Variants in ALMS1 observed in about 807,000 individuals in gnomAD.
ALMS1 encodes ALMS1 centrosome and basal body associated protein, also known as centrosome-associated protein ALMS1.
In ALMS1, 271 loss-of-function variants were observed where a neutral mutation model predicts 352.2. That is an observed-to-expected ratio of 0.77 (90% CI 0.70 to 0.85). The LOEUF is 0.85. ALMS1 is among the 40% of genes least tolerant of loss of function. The probability of loss-of-function intolerance (pLI) is 0.00; values close to 1 mark genes in which losing one functional copy is unlikely to be tolerated. For synonymous variants in ALMS1, 1,865 were observed against 1,761.2 expected, an observed-to-expected ratio of 1.06 and a Z score of -1.48; for missense variants, 5,445 against 4,870.7, an observed-to-expected ratio of 1.12 and a Z score of -3.51.
chr2:73,588,251 C>G (rs1256553386), intron 16 of ALMS1, among the ~76,000 whole-genome samples: 4 of 152,158 alleles, frequency 2.6e-5, no homozygotes, highest in Admixed American at 2.6e-4. Flanking sequence ...TTCTCTCTGC[C>G]CCGTGCTGTC....
At chr2:73,417,357 A>AT (rs1205321044) in intron 2 of ALMS1, among the ~76,000 whole-genome samples, 1 of 152,194 alleles carries the variant, frequency 6.6e-6, no homozygotes, top group Non-Finnish European at 1.5e-5. Flanking sequence ...GAACTAATAG[A>AT]TTTGCTGATA....
intron 16 of ALMS1, among the ~76,000 whole-genome samples, chr2:73,593,231 C>A (rs1413278055): frequency 6.6e-6 from 1 of 151,444 alleles, no homozygotes; most frequent in East Asian, 1.9e-4. Flanking sequence ...GATGGGTCCT[C>A]AGCACAAATT....
chr2:73,460,726 C>A (rs1158275510), intron 9 of ALMS1, among the ~76,000 whole-genome samples: 7 of 152,194 alleles, frequency 4.6e-5, no homozygotes, highest in Admixed American at 1.3e-4. Context: ...TGGAAAATCG[C>A]ATCACTCCCA....
chr2:73,549,828 T>A (rs1674392144), intron 12 of ALMS1, among the ~76,000 whole-genome samples: 1 of 152,096 alleles, frequency 6.6e-6, no homozygotes, highest in Non-Finnish European at 1.5e-5. Flanking sequence ...TCCTACCCAT[T>A]GTAGTGTAGT....
chr2:73,599,273 A>G (rs1196507828), intron 16 of ALMS1, 128 bp from the exon 17 acceptor site: 5 of 1,237,332 alleles, frequency 4.0e-6, no homozygotes, highest in East Asian at 2.3e-5. Flanking sequence ...CAGTATCTCA[A>G]GCTTCCTCCA....
rs923894323 is a variant in ALMS1 at position 73,391,454 on chromosome 2, C to T, written c.324+5262C>T. The stretch of plus-strand genomic sequence containing the variant: ...GACTACAGGCGCCCGCCACCACGCC[C>T]GGCTATTATTTTGTATTTTTAGTAG... On this transcript the variant is annotated intron_variant, in intron 1 of 22. Coordinates refer to ENST00000613296, the MANE Select transcript of ALMS1 (RefSeq NM_001378454.1). Among the ~76,000 whole-genome samples, 6 of 151,864 alleles carry T rather than the reference C, an allele frequency of 4.0e-5. No individual in the cohort carries two copies. In the South Asian group the frequency reaches 8.3e-4, roughly 21 times the overall value.
In ALMS1 at chr2:73,595,085, T is replaced by C. The variant is rs1371767981; in HGVS notation, c.11548-4316T>C. ...CCCACAAGTTTTTGTTTATTCTCAT[T>C]TCTTGAACTGGTAATACAGTACAAC... On this transcript the variant is annotated intron_variant, in intron 16 of 22. Coordinates refer to ENST00000613296, the MANE Select transcript of ALMS1 (RefSeq NM_001378454.1). Among the ~76,000 whole-genome samples, 3 of 152,178 alleles carry C rather than the reference T, an allele frequency of 2.0e-5. No homozygotes were observed. The East Asian group carries it at 5.8e-4, about 29-fold the overall frequency.
intron 16 of ALMS1, among the ~76,000 whole-genome samples, chr2:73,594,316 T>TAGA (rs1675500899): frequency 6.6e-6 from 1 of 152,242 alleles, no homozygotes; most frequent in East Asian, 1.9e-4. Flanking sequence ...TTCTTAGACT[T>TAGA]TTCTATTTTT....
intron 11 of ALMS1, among the ~76,000 whole-genome samples, chr2:73,522,130 G>T (rs1347164154): frequency 6.6e-6 from 1 of 151,982 alleles, no homozygotes; most frequent in Non-Finnish European, 1.5e-5. Context: ...TAAGACTACT[G>T]CATCCAAACA....
At chr2:73,438,512 C>T (rs73944994) in intron 7 of ALMS1, among the ~76,000 whole-genome samples, 32 of 152,282 alleles carry the variant, frequency 2.1e-4, no homozygotes, top group African/African-American at 7.5e-4. Context: ...TTTGGACATA[C>T]TGAGTTTGAT....
chr2:73,405,202 C>T (rs1462053465), intron 1 of ALMS1, among the ~76,000 whole-genome samples: 4 of 152,096 alleles, frequency 2.6e-5, no homozygotes, highest in African/African-American at 9.7e-5. Context: ...GTGTGAGCCA[C>T]TGCGCCTGGC....
intron 1 of ALMS1, among the ~76,000 whole-genome samples, chr2:73,398,179 G>A (rs1180481243): frequency 6.6e-6 from 1 of 152,170 alleles, no homozygotes; most frequent in Non-Finnish European, 1.5e-5. Context: ...TGTCAGATCT[G>A]TTTCTGGGTT....
Position 73,451,150 on chromosome 2 carries a change from T to C in ALMS1, c.4623T>C (p.Ser1541=), listed in dbSNP as rs934473961. The C allele has an allele frequency of 6.2e-7, 1 of 1,613,850 alleles. No individual in the cohort carries two copies. ...TCTACCAACTGGCATTGCTAGGTAGTCAAATACCTGAAGAGGCTCTCAGAG... is the reference window on the plus strand; with the variant it reads ...TCTACCAACTGGCATTGCTAGGTAGCCAAATACCTGAAGAGGCTCTCAGAG... ...GSFYQLALLG[S]QIPEEALRVS... is the part of the protein sequence containing the mutation. Residue 1541 remains serine (S), a synonymous_variant, in exon 8 of 23, where the codon AGT becomes AGC. Coordinates refer to ENST00000613296, the MANE Select transcript of ALMS1 (RefSeq NM_001378454.1).
At chr2:73,447,772 A>AT (rs35431003) in intron 7 of ALMS1, among the ~76,000 whole-genome samples, 188 bp from the exon 8 acceptor site, 74,795 of 151,962 alleles carry the variant, frequency 0.49, 21,350 homozygotes, top group African/African-American at 0.8. Context: ...GTTGTTGAAG[A>AT]TTAAAATGTT....
chr2:73,589,276 T>C (rs1675373699), intron 16 of ALMS1, among the ~76,000 whole-genome samples: 1 of 152,196 alleles, frequency 6.6e-6, no homozygotes, highest in Admixed American at 6.5e-5. Context: ...GACTTCTATT[T>C]TGGGTGTAAA....
intron 9 of ALMS1, among the ~76,000 whole-genome samples, chr2:73,465,222 A>C (rs1220453441): frequency 6.6e-6 from 1 of 152,010 alleles, no homozygotes; most frequent in Admixed American, 6.6e-5. Flanking sequence ...GCATCACACT[A>C]CCTGACTTCA....
At chr2:73,455,082 T>G in intron 8 of ALMS1, 80 bp from the exon 9 acceptor site, 2 of 1,474,098 alleles carry the variant, frequency 1.4e-6, no homozygotes, top group Non-Finnish European at 1.9e-6. Context: ...ATTGCATATA[T>G]TGATGATCTT....
chr2:73,434,647 T>C (rs1572921185), intron 7 of ALMS1, among the ~76,000 whole-genome samples: 1 of 152,234 alleles, frequency 6.6e-6, no homozygotes, highest in Non-Finnish European at 1.5e-5. Flanking sequence ...GTCTTCTGAC[T>C]AGCTGTTTTC....
chr2:73,546,963 A>T (rs1466737114), intron 12 of ALMS1, among the ~76,000 whole-genome samples: 1 of 152,224 alleles, frequency 6.6e-6, no homozygotes, highest in African/African-American at 2.4e-5. Flanking sequence ...AGGAAACACA[A>T]TACAGACAGT....
Sources: allele counts gnomAD v4.1 joint callset (sites outside exome capture counted in the v4.1 genomes callset), GRCh38; gene constraint gnomAD v4.1.1; transcripts MANE v1.5; gene names NCBI Gene and HGNC (gene_info 2026-07-23, HGNC 2026-07-21).